Variants in FAM117B observed in about 807,000 individuals in gnomAD.
The protein encoded by FAM117B is family with sequence similarity 117 member B.
Under a neutral mutation model 52.8 loss-of-function variants are expected in FAM117B, and 22 were observed. The observed-to-expected ratio is 0.42, with a 90% CI of 0.30 to 0.59. The LOEUF is 0.59. Ranked by LOEUF, FAM117B falls within the 20% of genes least tolerant of loss-of-function variation. The probability of loss-of-function intolerance (pLI) is 0.22; values close to 1 mark genes in which losing one functional copy is unlikely to be tolerated. For missense variants in FAM117B, 678 were observed against 802.6 expected (o/e 0.84, Z 1.88); for synonymous variants, 309 against 324.1 (o/e 0.95, Z 0.50).
intron 1 of FAM117B, among the ~76,000 whole-genome samples, chr2:202,654,192 T>C (rs1452835505): frequency 6.6e-6 from 1 of 152,012 alleles, no homozygotes; most frequent in Non-Finnish European, 1.5e-5. Flanking sequence ...ATTGGCCAAA[T>C]TTTTTTATTT....
intron 4 of FAM117B, among the ~76,000 whole-genome samples, chr2:202,744,678 A>C (rs1181316704): frequency 6.6e-6 from 1 of 152,164 alleles, no homozygotes; most frequent in African/African-American, 2.4e-5. Context: ...TCCTTCAAAA[A>C]TAAAGGAAAG....
chr2:202,651,356 G>A (rs1689955704), intron 1 of FAM117B, among the ~76,000 whole-genome samples: 1 of 149,296 alleles, frequency 6.7e-6, no homozygotes, highest in Non-Finnish European at 1.5e-5. Context: ...CCACCGCTCC[G>A]GGCCCTTAAT....
intron 1 of FAM117B, among the ~76,000 whole-genome samples, chr2:202,637,547 T>A (rs938530754): frequency 6.6e-6 from 1 of 152,180 alleles, no homozygotes; most frequent in Non-Finnish European, 1.5e-5. Flanking sequence ...CCCAGAGCAC[T>A]ATTTTAAACC....
chr2:202,699,421 C>A (rs1303737865), intron 2 of FAM117B, among the ~76,000 whole-genome samples: 1 of 74,114 alleles, frequency 1.3e-5, no homozygotes. Context: ...AGTGAGACCC[C>A]ATCTCAAAAA....
At chr2:202,733,138 A>G (rs1260906773) in intron 4 of FAM117B, among the ~76,000 whole-genome samples, 3 of 152,120 alleles carry the variant, frequency 2.0e-5, no homozygotes, top group Admixed American at 6.5e-5. Context: ...GAGCCGCAAA[A>G]CCAGCAGGTT....
intron 1 of FAM117B, among the ~76,000 whole-genome samples, chr2:202,694,788 T>A (rs1189607379): frequency 6.6e-6 from 1 of 152,138 alleles, no homozygotes; most frequent in East Asian, 1.9e-4. Flanking sequence ...TTTGGGCTGG[T>A]ACTAAGTTAT....
chr2:202,651,266 T>C (rs1217371798), intron 1 of FAM117B, among the ~76,000 whole-genome samples: 6 of 152,094 alleles, frequency 3.9e-5, no homozygotes, highest in African/African-American at 1.4e-4. Context: ...TTCACTACGT[T>C]GGCCAGGCTG....
At chr2:202,729,447 A>T (rs1691306357) in intron 4 of FAM117B, among the ~76,000 whole-genome samples, 1 of 152,214 alleles carries the variant, frequency 6.6e-6, no homozygotes, top group Non-Finnish European at 1.5e-5. Flanking sequence ...CACACGATAC[A>T]TGTGTACTTC....
intron 1 of FAM117B, among the ~76,000 whole-genome samples, chr2:202,647,184 T>C (rs1188729299): frequency 6.6e-6 from 1 of 152,110 alleles, no homozygotes; most frequent in Non-Finnish European, 1.5e-5. Context: ...ATAGGAAAAT[T>C]TATAATGTTT....
intron 4 of FAM117B, among the ~76,000 whole-genome samples, chr2:202,730,220 G>A (rs1458436046): frequency 2.0e-5 from 3 of 152,068 alleles, no homozygotes; most frequent in African/African-American, 7.2e-5. Flanking sequence ...GAGAGGTCAG[G>A]TATATTGTTT....
chr2:202,718,601 T>A (rs1691098174), intron 2 of FAM117B, among the ~76,000 whole-genome samples: 1 of 152,184 alleles, frequency 6.6e-6, no homozygotes, highest in African/African-American at 2.4e-5. Context: ...TTGGTTGGGT[T>A]TGCTAGTATT....
At chr2:202,656,564 A>G (rs949272167) in intron 1 of FAM117B, among the ~76,000 whole-genome samples, 1 of 152,154 alleles carries the variant, frequency 6.6e-6, no homozygotes, top group Non-Finnish European at 1.5e-5. Context: ...CATATCAGAG[A>G]GCATACCTTA....
At chr2:202,668,620 T>TAATA (rs60605421) in intron 1 of FAM117B, among the ~76,000 whole-genome samples, 14,394 of 146,930 alleles carry the variant, frequency 0.098, 787 homozygotes, top group East Asian at 0.17. Context: ...ATCTTGTTCC[T>TAATA]AATAAATAAA....
intron 4 of FAM117B, among the ~76,000 whole-genome samples, chr2:202,736,985 C>G (rs191927569): frequency 6.6e-6 from 1 of 152,172 alleles, no homozygotes; most frequent in African/African-American, 2.4e-5. Context: ...ACAGATGAGC[C>G]AATGCTAGGC....
At chr2:202,734,363 C>G (rs1458073219) in intron 4 of FAM117B, among the ~76,000 whole-genome samples, 1 of 152,098 alleles carries the variant, frequency 6.6e-6, no homozygotes, top group Non-Finnish European at 1.5e-5. Flanking sequence ...CTCTTAAAAA[C>G]AGCAACAACA....
chr2:202,677,078 T>TC (rs762570108), intron 1 of FAM117B, among the ~76,000 whole-genome samples: 20 of 151,124 alleles, frequency 1.3e-4, no homozygotes, highest in Non-Finnish European at 2.1e-4. Context: ...TTTTTTTTTT[T>TC]CCTTTCTTTT....
Position 202,769,444 on chromosome 2 carries a change from C to G in FAM117B, c.*3680C>G, listed in dbSNP as rs1692037846. ...AAAATAAAGCTAAGAATGCTTAACT[C>G]TGCACTTTAAGTTCTACTCTGACCA... On this transcript the variant is annotated 3_prime_UTR_variant, in exon 8 of 8. Transcript: ENST00000392238. 1 of 152,582 alleles carries G rather than the reference C, an allele frequency of 6.6e-6. No homozygotes were observed. The allele number at this position is 152,582 out of a possible 1,614,324, so 9.5% of individuals were successfully genotyped here. A position where few individuals can be genotyped will look rare whatever the true frequency, so the allele number is the denominator to read the frequency against.
rs1158425648 is a variant in FAM117B at position 202,740,173 on chromosome 2, CCAAA to C, written c.960+13811_960+13814del. ...GGAGGACAGAGCGAGACTTCATCCC[CCAAA>C]AAAAAAAAAAAAAAAAAAAAAAAAA... On this transcript the variant is annotated intron_variant, in intron 4 of 7. Coordinates refer to ENST00000392238, the MANE Select transcript of FAM117B (RefSeq NM_173511.4). Among the ~76,000 whole-genome samples, 23 of 69,688 alleles carry C rather than the reference CCAAA, an allele frequency of 3.3e-4. 1 individual carries two copies. The highest frequency in any genetic ancestry group is 2.9e-3 in the East Asian group (7 of 2,420). The allele number at this position is 69,688 out of a possible 152,430, so 45.7% of individuals were successfully genotyped here. A position where few individuals can be genotyped will look rare whatever the true frequency, so the allele number is the denominator to read the frequency against.
intron 2 of FAM117B, among the ~76,000 whole-genome samples, chr2:202,709,205 CT>C (rs200629877): frequency 2.8e-3 from 403 of 143,108 alleles, no homozygotes; most frequent in Middle Eastern, 3.6e-3. Flanking sequence ...GTCCTTAGAC[CT>C]TTTTTTTTTT....
Sources: allele counts gnomAD v4.1 joint callset (sites outside exome capture counted in the v4.1 genomes callset), GRCh38; gene constraint gnomAD v4.1.1; transcripts MANE v1.5; gene names NCBI Gene and HGNC (gene_info 2026-07-23, HGNC 2026-07-21).